JMJD1C: variants seen among roughly 807,000 people sequenced by gnomAD.
JMJD1C encodes the protein jumonji domain containing 1C.
A neutral mutation model predicts 245.3 loss-of-function variants in JMJD1C; 31 were observed. The observed-to-expected ratio is 0.13, with a 90% CI of 0.09 to 0.17. The LOEUF (loss-of-function observed/expected upper bound fraction) is 0.17. Ranked by LOEUF, JMJD1C falls within the 10% of genes least tolerant of loss-of-function variation. The pLI, the probability that JMJD1C is intolerant of heterozygous loss-of-function variation, is 1.00. For synonymous variants in JMJD1C, 1,057 were observed against 1,017.4 expected (o/e 1.04, Z -0.74); for missense variants, 2,691 against 3,000.2 (o/e 0.90, Z 2.41).
chr10:63,374,820 T>G (rs1166350470), intron 2 of JMJD1C, among the ~76,000 whole-genome samples: 1 of 152,204 alleles, frequency 6.6e-6, no homozygotes, highest in East Asian at 1.9e-4. Context: ...GATCTACAAT[T>G]TTAATGCAGT....
chr10:63,438,669 T>C (rs1160634028), intron 1 of JMJD1C, among the ~76,000 whole-genome samples: 2 of 152,114 alleles, frequency 1.3e-5, no homozygotes, highest in African/African-American at 4.8e-5. Context: ...CCATACCACA[T>C]TCACTGCTCC....
At chr10:63,462,876 T>C (rs1952895415) in intron 1 of JMJD1C, among the ~76,000 whole-genome samples, 1 of 152,208 alleles carries the variant, frequency 6.6e-6, no homozygotes, top group Non-Finnish European at 1.5e-5. Flanking sequence ...AAGATTACGT[T>C]AATTAAACAA....
intron 1 of JMJD1C, among the ~76,000 whole-genome samples, chr10:63,459,949 A>C (rs962857928): frequency 6.6e-5 from 10 of 152,172 alleles, no homozygotes; most frequent in Non-Finnish European, 1.0e-4. Context: ...TAACCTCTCT[A>C]TGTCAGCTTT....
chr10:63,433,590 T>C lies in JMJD1C; in HGVS notation c.168+31905A>G, dbSNP rs567727757. 2.5e-3 allele frequency among the ~76,000 whole-genome samples: 361 copies of C among 142,254 alleles called. 1 individual carries two copies. The highest frequency in any genetic ancestry group is 9.4e-3 in the African/African-American group (332 of 35,226). 93.3% of individuals were successfully genotyped at this position (142,254 alleles called of 152,430 possible). The stretch of plus-strand genomic sequence containing the variant: ...TGTACTCTTTTCTTTTCTTTTCTTT[T>C]TTTTTTTTTTTTTGAGACAGGGTCT... On this transcript the variant is annotated intron_variant, in intron 1 of 25. Transcript: ENST00000399262.
intron 2 of JMJD1C, among the ~76,000 whole-genome samples, chr10:63,312,725 G>A (rs1389520342): frequency 1.3e-5 from 2 of 151,962 alleles, no homozygotes; most frequent in African/African-American, 2.4e-5. Context: ...TCTCTCCATA[G>A]TATGTTTTAT....
intron 2 of JMJD1C, among the ~76,000 whole-genome samples, chr10:63,297,098 G>T (rs757293098): frequency 3.3e-5 from 5 of 152,180 alleles, no homozygotes; most frequent in Non-Finnish European, 7.3e-5. Flanking sequence ...AGTATATGCA[G>T]TTTAGTTGTG....
At chr10:63,191,562 G>T (rs769411099) in intron 16 of JMJD1C, among the ~76,000 whole-genome samples, 8 of 152,218 alleles carry the variant, frequency 5.3e-5, no homozygotes, top group Admixed American at 2.6e-4. Context: ...ACCTGAGGAT[G>T]AGTGAGGTTT....
chr10:63,300,317 A>C (rs1322984512), intron 2 of JMJD1C, among the ~76,000 whole-genome samples: 1 of 152,198 alleles, frequency 6.6e-6, no homozygotes, highest in Non-Finnish European at 1.5e-5. Flanking sequence ...AAGCACAATA[A>C]GATTAGAGAT....
intron 2 of JMJD1C, among the ~76,000 whole-genome samples, chr10:63,298,119 G>T (rs1173710873): frequency 2.0e-5 from 3 of 152,218 alleles, no homozygotes; most frequent in Non-Finnish European, 4.4e-5. Flanking sequence ...CAGCCAGTAT[G>T]CCTGGCTGTG....
At chr10:63,258,733 T>C (rs1854308190) in intron 3 of JMJD1C, among the ~76,000 whole-genome samples, 1 of 152,196 alleles carries the variant, frequency 6.6e-6, no homozygotes, top group Non-Finnish European at 1.5e-5. Context: ...GCTCCTTAAA[T>C]CCAGTCTACT....
intron 3 of JMJD1C, among the ~76,000 whole-genome samples, chr10:63,233,437 C>CA (rs758754748): frequency 6.6e-6 from 1 of 151,736 alleles, no homozygotes; most frequent in African/African-American, 2.4e-5. Flanking sequence ...TAACAACACC[C>CA]AAAAAAACAA....
chr10:63,255,595 C>G (rs1853783426), intron 3 of JMJD1C, among the ~76,000 whole-genome samples: 2 of 152,164 alleles, frequency 1.3e-5, no homozygotes, highest in Admixed American at 6.5e-5. Context: ...CCTGCTATAT[C>G]ATCACAATAC....
chr10:63,194,395 G>A lies in JMJD1C; in HGVS notation c.5645-20C>T. Reference sequence around the variant, plus strand: ...CTTTATCTGTAAGATAATAAAACTTGTATATCACACTCATGGTTTCATAAT... The same window carrying A: ...CTTTATCTGTAAGATAATAAAACTTATATATCACACTCATGGTTTCATAAT... On this transcript the variant is annotated intron_variant, in intron 13 of 25. Coordinates refer to ENST00000399262, the MANE Select transcript of JMJD1C (RefSeq NM_032776.3). 1 of 1,405,952 alleles carries A rather than the reference G, an allele frequency of 7.1e-7. No individual in the cohort carries two copies. Among genetic ancestry groups the A allele is most frequent in the Non-Finnish European group, 1.0e-6 (1 of 990,550 alleles). The allele number at this position is 1,405,952 out of a possible 1,614,324, so 87.1% of individuals were successfully genotyped here.
chr10:63,177,655 C>G, intron 23 of JMJD1C, 62 bp downstream of exon 23: 1 of 1,541,346 alleles, frequency 6.5e-7, no homozygotes, highest in Non-Finnish European at 8.9e-7. Flanking sequence ...AGTGAAGGTA[C>G]GGCAACAATG....
chr10:63,363,853 ATTTT>A (rs759663605), intron 2 of JMJD1C, among the ~76,000 whole-genome samples: 4 of 126,460 alleles, frequency 3.2e-5, no homozygotes, highest in Admixed American at 2.6e-4. Flanking sequence ...TGCCTGGCTA[ATTTT>A]TTTTTTTTTT....
rs1173782736 is a variant in JMJD1C at position 63,169,165 on chromosome 10, C to T, written c.7402-599G>A. On this transcript the variant is annotated intron_variant, in intron 24 of 25. Transcript: ENST00000399262. ...AATTAGCCAATTAAAGATACCCCTT[C>T]AATCACCGGTGACATCAGTACAACA... 3.3e-5 allele frequency among the ~76,000 whole-genome samples: 5 copies of T among 152,298 alleles called. No homozygotes were observed. In the East Asian group the frequency reaches 7.7e-4, roughly 23 times the overall value.
At chr10:63,372,238 G>C (rs975199275) in intron 2 of JMJD1C, among the ~76,000 whole-genome samples, 2 of 152,160 alleles carry the variant, frequency 1.3e-5, no homozygotes, top group Non-Finnish European at 2.9e-5. Flanking sequence ...GGTTGAACCA[G>C]AATTGCCTAT....
At chr10:63,251,466 T>C (rs1420677163) in intron 3 of JMJD1C, among the ~76,000 whole-genome samples, 1 of 152,228 alleles carries the variant, frequency 6.6e-6, no homozygotes, top group African/African-American at 2.4e-5. Flanking sequence ...TAACAACTTT[T>C]ATTAAATAAC....
chr10:63,168,257 A>C (rs758684556), intron 25 of JMJD1C, 123 bp from the exon 26 acceptor site: 2 of 1,007,632 alleles, frequency 2.0e-6, no homozygotes, highest in Admixed American at 2.4e-5. Flanking sequence ...AAAATGTTTG[A>C]AAGTGTTAAG....
Sources: gnomAD v4.1 joint callset for allele counts (sites outside exome capture counted in the v4.1 genomes callset) on GRCh38, gnomAD v4.1.1 for gene constraint, MANE v1.5 for transcripts, NCBI Gene and HGNC (gene_info 2026-07-23, HGNC 2026-07-21) for gene names.